Variants in ZC3H7B observed in about 807,000 individuals in gnomAD.
ZC3H7B encodes the protein zinc finger CCCH domain-containing protein 7B.
In ZC3H7B, 35 loss-of-function variants were observed where a neutral mutation model predicts 116.0. The ratio of observed to expected loss-of-function variants is 0.30; its 90% CI spans 0.23 to 0.40. The LOEUF (loss-of-function observed/expected upper bound fraction) is 0.40, where lower values mean the gene tolerates loss of function less well. ZC3H7B is among the 10% of genes least tolerant of loss of function. ZC3H7B has a pLI of 1.00. For synonymous variants in ZC3H7B, 502 were observed against 545.6 expected (o/e 0.92, Z 1.11); for missense variants, 1,011 against 1,321.5 (o/e 0.77, Z 3.64).
At chr22:41,304,476 T>C (rs1157699673) in intron 1 of ZC3H7B, among the ~76,000 whole-genome samples, 1 of 152,198 alleles carries the variant, frequency 6.6e-6, no homozygotes, top group Non-Finnish European at 1.5e-5. Flanking sequence ...TGTGAGATGC[T>C]GTGGGGCAGG....
chr22:41,333,446 T>C (rs1463711992), intron 7 of ZC3H7B: 1 of 152,104 alleles, frequency 6.6e-6, no homozygotes, highest in African/African-American at 2.4e-5. Flanking sequence ...GCCAACATAA[T>C]GAAACCCCAT....
intron 17 of ZC3H7B, among the ~76,000 whole-genome samples, chr22:41,353,950 C>G (rs952635113): frequency 6.6e-6 from 1 of 152,192 alleles, no homozygotes; most frequent in Admixed American, 6.5e-5. Context: ...AGAGAGAACA[C>G]TAGCTGGGTG....
At position 41,356,391 on chromosome 22, in the gene ZC3H7B, C is replaced by T. The variant is rs149931385; in HGVS notation, c.2432C>T (p.Pro811Leu). Residue 811 changes from proline (P) to leucine (L), a missense_variant, in exon 21 of 23, where the codon CCA becomes CTA. Pro to Leu is a moderately conservative substitution (Grantham distance 98, BLOSUM62 -3). Around this residue, in one of 5 missense-constraint regions of ZC3H7B, gnomAD observed 406 missense variants for 590.2 expected, o/e 0.69. Transcript: ENST00000352645. ...GACATGTGGCTGAAAAAACACAACC[C>T]AGGAAAGCCTGGAGAAGGGACCCCC... ...TYDMWLKKHN[P>L]GKPGEGTPIS... 3 of 1,614,012 alleles carry T rather than the reference C, an allele frequency of 1.9e-6. No individual in the cohort carries two copies. Among genetic ancestry groups the T allele is most frequent in the African/African-American group, 1.3e-5 (1 of 74,930 alleles).
intron 11 of ZC3H7B, 91 bp from the exon 12 acceptor site, chr22:41,342,438 T>C: frequency 2.4e-6 from 3 of 1,245,556 alleles, no homozygotes; most frequent in South Asian, 2.5e-5. Flanking sequence ...AGGGGGGTCA[T>C]AGAGCACTCC....
At chr22:41,313,627 A>C (rs561291067) in intron 1 of ZC3H7B, among the ~76,000 whole-genome samples, 1 of 152,192 alleles carries the variant, frequency 6.6e-6, no homozygotes, top group African/African-American at 2.4e-5. Context: ...TCCAGTTTAC[A>C]CTGTCAGTAT....
rs139932258 is a variant in ZC3H7B at position 41,343,519 on chromosome 22, C to T, written c.1402C>T (p.Arg468Trp). The T allele has an allele frequency of 7.7e-4, 1,240 of 1,613,438 alleles. 2 individuals carry two copies. The highest frequency in any genetic ancestry group is 9.6e-4 in the Non-Finnish European group (1,131 of 1,179,808). Residue 468 changes from arginine (R) to tryptophan (W), a missense_variant, in exon 13 of 23, where the codon CGG becomes TGG. Physicochemically the swap from Arg to Trp is moderately radical, Grantham distance 101. Coordinates refer to ENST00000352645, the MANE Select transcript of ZC3H7B (RefSeq NM_017590.6). ...GAGCTCGGAGGACCAGACCTGGAAG[C>T]GGATCCGGCCCCGGCCCACTAAGAC... is the stretch of plus-strand genomic sequence containing the variant. ...LRSSEDQTWK[R>W]IRPRPTKTSF...
chr22:41,354,467 T>G (rs995407951), intron 17 of ZC3H7B, among the ~76,000 whole-genome samples: 1 of 152,146 alleles, frequency 6.6e-6, no homozygotes, highest in African/African-American at 2.4e-5. Context: ...GGGCAGGCCC[T>G]GGGCAGGGCA....
In ZC3H7B at chr22:41,357,262, C is replaced by T. The variant is rs1159214897; in HGVS notation, c.2767C>T (p.Arg923Cys). The change falls in exon 23 of 23, where the codon CGC (arginine) becomes TGC (cysteine). Residue 923 changes from arginine to cysteine, a missense_variant. Coordinates refer to ENST00000352645, the MANE Select transcript of ZC3H7B (RefSeq NM_017590.6). This position sits in a 1 kb window ranked among gnomAD's most constrained non-coding sequence, Gnocchi z 5.4. The part of the protein sequence containing the change: ...QEELNEWLDR[R>C]EVLKQKLAKA... ...GGAGCTCAACGAGTGGCTGGACCGG[C>T]GCGAGGTGCTGAAGCAGAAGTTGGC... The T allele has an allele frequency of 3.1e-6, 5 of 1,613,714 alleles. No individual in the cohort carries two copies. The highest frequency in any genetic ancestry group is 2.2e-5 in the East Asian group (1 of 44,872).
intron 1 of ZC3H7B, among the ~76,000 whole-genome samples, chr22:41,308,849 G>T (rs1313835841): frequency 2.6e-5 from 4 of 151,968 alleles, no homozygotes; most frequent in Non-Finnish European, 5.9e-5. Flanking sequence ...AGTTTTCCTG[G>T]AACATTATCA....
chr22:41,337,157 A>G (rs1311371341), intron 7 of ZC3H7B, among the ~76,000 whole-genome samples: 1 of 151,738 alleles, frequency 6.6e-6, no homozygotes, highest in Non-Finnish European at 1.5e-5. Flanking sequence ...AAATAAAAAT[A>G]CAAAATAAAA....
chr22:41,330,103 G>C lies in ZC3H7B; in HGVS notation c.525G>C (p.Gln175His). Residue 175 changes from glutamine (Q) to histidine (H), a missense_variant and splice_region_variant, in exon 6 of 23, where the codon CAG becomes CAC. Transcript: ENST00000352645. ...TTCGCAAGGCGTATAAGAGGCCCCA[G>C]GTAGGTGGGTTCGGGACCCTGGGAG... ...LRVRKAYKRP[Q>H]ELETFSLLSN... 1 of 1,613,860 alleles carries C rather than the reference G, an allele frequency of 6.2e-7. No homozygotes were observed. The highest frequency in any genetic ancestry group is 8.5e-7 in the Non-Finnish European group (1 of 1,179,954).
At chr22:41,319,205 T>G (rs958761480) in intron 1 of ZC3H7B, among the ~76,000 whole-genome samples, 2 of 151,842 alleles carry the variant, frequency 1.3e-5, no homozygotes, top group Non-Finnish European at 2.9e-5. Flanking sequence ...ATCGAGACCA[T>G]CCTGGCTAAC....
intron 1 of ZC3H7B, among the ~76,000 whole-genome samples, chr22:41,311,823 AG>A (rs1344753159): frequency 6.6e-6 from 1 of 152,104 alleles, no homozygotes; most frequent in Non-Finnish European, 1.5e-5. Flanking sequence ...GAATAAGACG[AG>A]CCCCCAACAG....
intron 1 of ZC3H7B, among the ~76,000 whole-genome samples, chr22:41,310,299 C>G (rs1477283635): frequency 6.6e-6 from 1 of 152,140 alleles, no homozygotes; most frequent in Non-Finnish European, 1.5e-5. Context: ...ATTTCTGACC[C>G]CTTCAGGGGG....
chr22:41,335,324 A>G (rs2036430031), intron 7 of ZC3H7B: 1 of 152,250 alleles, frequency 6.6e-6, no homozygotes, highest in South Asian at 2.1e-4. Context: ...CAATGGGTCA[A>G]TGTGAAAGCT....
chr22:41,341,112 G>A lies in ZC3H7B; in HGVS notation c.1163G>A (p.Arg388His), dbSNP rs766780973. ...GAGGAGACCAACTCACAGGACCACCGTCCCCCTAGCGGTGCTCAGAAACCA... is the reference window on the plus strand; with the variant it reads ...GAGGAGACCAACTCACAGGACCACCATCCCCCTAGCGGTGCTCAGAAACCA... The part of the protein sequence containing the change: ...FMEETNSQDH[R>H]PPSGAQKPAP... Residue 388 changes from arginine to histidine, a missense_variant, in exon 11 of 23, where the codon CGT becomes CAT. Arg to His is a conservative substitution (Grantham distance 29). Transcript: ENST00000352645. The A allele has an allele frequency of 1.3e-5, 21 of 1,613,776 alleles. No homozygotes were observed. Among genetic ancestry groups the A allele is most frequent in the East Asian group, 4.5e-5 (2 of 44,888 alleles).
chr22:41,339,206 C>T lies in ZC3H7B; in HGVS notation c.816+15C>T. 4 of 1,594,284 alleles carry T rather than the reference C, an allele frequency of 2.5e-6. No homozygotes were observed. The highest frequency in any genetic ancestry group is 3.4e-6 in the Non-Finnish European group (4 of 1,168,168). On this transcript the variant is annotated intron_variant, in intron 9 of 22. Transcript: ENST00000352645. The stretch of plus-strand genomic sequence containing the variant: ...TGGACTCGCTGGTGAGCCACACCAC[C>T]CTCCTTGTGCTCCCCTGATCCCCTC...
At chr22:41,316,968 G>A (rs192286271) in intron 1 of ZC3H7B, among the ~76,000 whole-genome samples, 13 of 152,142 alleles carry the variant, frequency 8.5e-5, no homozygotes, top group African/African-American at 2.9e-4. Context: ...TCAGCCTCCC[G>A]AGTAGCTGGG....
intron 1 of ZC3H7B, among the ~76,000 whole-genome samples, chr22:41,307,965 C>T (rs76164940): frequency 0.01 from 1,530 of 152,278 alleles, 11 homozygotes; most frequent in Non-Finnish European, 0.017. Flanking sequence ...CATTTGTGTC[C>T]TGCTGTGTCC....
Sources: allele counts gnomAD v4.1 joint callset (sites outside exome capture counted in the v4.1 genomes callset), GRCh38; gene constraint gnomAD v4.1.1; regional missense constraint gnomAD v4.1.1; non-coding constraint Gnocchi (gnomAD v3.1); transcripts MANE v1.5; gene names NCBI Gene and HGNC (gene_info 2026-07-23, HGNC 2026-07-21).